CACNG5: variants seen among roughly 807,000 people sequenced by gnomAD.
The protein encoded by CACNG5 is calcium voltage-gated channel auxiliary subunit gamma 5, also known as voltage-dependent calcium channel gamma-5 subunit.
A neutral mutation model predicts 24.8 loss-of-function variants in CACNG5; 18 were observed. The observed-to-expected ratio is 0.73, with a 90% CI of 0.50 to 1.08. The LOEUF (loss-of-function observed/expected upper bound fraction) is 1.08, where lower values mean the gene tolerates loss of function less well. Among genes scored for constraint, CACNG5 ranks in the 50% least tolerant of loss-of-function variants. The pLI is 0.00. For synonymous variants in CACNG5, 157 were observed against 149.1 expected (o/e 1.05, Z -0.39); for missense variants, 349 against 367.9 (o/e 0.95, Z 0.42).
chr17:66,864,154 G>A (rs1055644967), intron 1 of CACNG5, among the ~76,000 whole-genome samples: 1 of 152,196 alleles, frequency 6.6e-6, no homozygotes, highest in Non-Finnish European at 1.5e-5. Flanking sequence ...CTGTTAGATA[G>A]GAGAAGGTTG....
At chr17:66,846,767 C>A (rs533969654) in intron 1 of CACNG5, among the ~76,000 whole-genome samples, 29 of 152,310 alleles carry the variant, frequency 1.9e-4, no homozygotes, top group Admixed American at 1.5e-3. Flanking sequence ...GCTTTCAATT[C>A]TCTTGGGTAT....
chr17:66,883,416 A>G (rs1977193378), intron 4 of CACNG5, among the ~76,000 whole-genome samples: 1 of 152,206 alleles, frequency 6.6e-6, no homozygotes, highest in Non-Finnish European at 1.5e-5. Context: ...TTTCGGTCAC[A>G]CCAGTTTTCC....
intron 1 of CACNG5, among the ~76,000 whole-genome samples, chr17:66,843,130 G>T (rs528479426): frequency 1.3e-5 from 2 of 152,286 alleles, no homozygotes; most frequent in East Asian, 1.9e-4. Flanking sequence ...TTGGTTGAGG[G>T]TATTATGATT....
intron 3 of CACNG5, among the ~76,000 whole-genome samples, chr17:66,880,186 C>T (rs1263279822): frequency 6.6e-6 from 1 of 151,932 alleles, no homozygotes; most frequent in African/African-American, 2.4e-5. Context: ...GGTGAATCTG[C>T]CTGGAAGAGG....
chr17:66,884,800 T>A, intron 5 of CACNG5, 139 bp downstream of exon 5: 1 of 1,613,258 alleles, frequency 6.2e-7, no homozygotes, highest in Non-Finnish European at 8.5e-7. Context: ...CCCTTCCTCA[T>A]CCCAGAATGT....
intron 1 of CACNG5, among the ~76,000 whole-genome samples, chr17:66,851,960 G>C (rs186598664): frequency 6.6e-6 from 1 of 152,342 alleles, no homozygotes; most frequent in African/African-American, 2.4e-5. Context: ...TTGTTTCCAG[G>C]TGTGCCATGA....
At chr17:66,854,284 CG>C (rs1186728287) in intron 1 of CACNG5, among the ~76,000 whole-genome samples, 4 of 151,732 alleles carry the variant, frequency 2.6e-5, no homozygotes, top group Non-Finnish European at 5.9e-5. Context: ...AAAAATTAGC[CG>C]GGCATGGTGG....
At position 66,884,615 on chromosome 17, in the gene CACNG5, A is replaced by G. The variant is rs1187626150; in HGVS notation, c.524A>G (p.Tyr175Cys). ...KDAETYFNYK[Y>C]GWSFAFAAIS... Reference sequence around the variant, plus strand: ...GCAGAGACCTACTTCAACTACAAGTATGGGTGGTCGTTTGCCTTCGCCGCC... The same window carrying G: ...GCAGAGACCTACTTCAACTACAAGTGTGGGTGGTCGTTTGCCTTCGCCGCC... The change falls in exon 5 of 6, where the codon TAT (tyrosine) becomes TGT (cysteine). Residue 175 changes from tyrosine (Y) to cysteine (C), a missense_variant. By Grantham distance (194) the Tyr-to-Cys change is radical. Transcript: ENST00000533854. 6.8e-6 allele frequency: 11 copies of G among 1,614,052 alleles called. No homozygotes were observed. Among genetic ancestry groups the G allele is most frequent in the East Asian group, 2.2e-5 (1 of 44,888 alleles).
intron 1 of CACNG5, among the ~76,000 whole-genome samples, chr17:66,844,002 G>C (rs1005447116): frequency 3.9e-5 from 6 of 152,058 alleles, no homozygotes; most frequent in African/African-American, 1.4e-4. Flanking sequence ...ATACTCTCTG[G>C]GGTCTGGAGT....
At chr17:66,862,892 C>CTCTCTCTGTGTGTGTG (rs567913804) in intron 1 of CACNG5, among the ~76,000 whole-genome samples, 7 of 142,260 alleles carry the variant, frequency 4.9e-5, no homozygotes, top group East Asian at 4.0e-4. Context: ...AGCATATTCT[C>CTCTCTCTGTGTGTGTG]TGTGTGTGTG....
chr17:66,849,025 C>T (rs975454456), intron 1 of CACNG5, among the ~76,000 whole-genome samples: 3 of 152,118 alleles, frequency 2.0e-5, no homozygotes, highest in Admixed American at 6.6e-5. Flanking sequence ...TGCTTGTTGT[C>T]AGCCCTAGAG....
chr17:66,869,594 C>T (rs560906014), intron 1 of CACNG5, among the ~76,000 whole-genome samples: 11 of 152,234 alleles, frequency 7.2e-5, no homozygotes, highest in South Asian at 2.1e-4. Context: ...TGCCTACTTC[C>T]GTGTGCCATT....
In CACNG5 at chr17:66,885,205, C is replaced by G. The variant is rs768756588; in HGVS notation, c.793C>G (p.Pro265Ala). ...CAACTACCCCGCCTTGCTCAAGTGC[C>G]CCGACTATGATCAGATGTCCTCTTC... is the stretch of plus-strand genomic sequence containing the variant. ...NSNYPALLKC[P>A]DYDQMSSSPC The change falls in exon 6 of 6, where the codon CCC becomes GCC. Residue 265 changes from proline (P) to alanine (A), a missense_variant. Transcript: ENST00000533854. 1.4e-5 allele frequency: 22 copies of G among 1,603,058 alleles called. No individual in the cohort carries two copies. The highest frequency in any genetic ancestry group is 1.7e-5 in the Non-Finnish European group (20 of 1,178,430).
At chr17:66,865,887 C>A (rs553957444) in intron 1 of CACNG5, among the ~76,000 whole-genome samples, 2 of 151,518 alleles carry the variant, frequency 1.3e-5, no homozygotes, top group African/African-American at 4.8e-5. Context: ...GTGATCCACC[C>A]ACCTCAGCCT....
intron 1 of CACNG5, among the ~76,000 whole-genome samples, chr17:66,850,701 C>T (rs1976701716): frequency 6.6e-6 from 1 of 152,120 alleles, no homozygotes; most frequent in Non-Finnish European, 1.5e-5. Context: ...GGTTTTCCTC[C>T]TCTCCTCCAT....
chr17:66,854,003 C>T (rs1156804743), intron 1 of CACNG5, among the ~76,000 whole-genome samples: 2 of 152,110 alleles, frequency 1.3e-5, no homozygotes, highest in Non-Finnish European at 2.9e-5. Context: ...GCTATATGCT[C>T]ATCCTCATAG....
rs574134342 is a variant in CACNG5 at position 66,887,830 on chromosome 17, G to A, written c.*2590G>A. Among the ~76,000 whole-genome samples, 14 of 152,228 alleles carry A rather than the reference G, an allele frequency of 9.2e-5. 1 individual carries two copies. The East Asian group carries it at 2.5e-3, about 27-fold the overall frequency. On this transcript the variant is annotated 3_prime_UTR_variant, in exon 6 of 6. Transcript: ENST00000533854. ...CACGCATCTTAGGAACAGGTTCTCG[G>A]TCATTACCTGTTTGGGGGTGGGTGC...
At chr17:66,872,290 C>T (rs1485586164) in intron 1 of CACNG5, among the ~76,000 whole-genome samples, 2 of 152,146 alleles carry the variant, frequency 1.3e-5, no homozygotes, top group African/African-American at 2.4e-5. Context: ...TAAAAAATGG[C>T]TCCTCTCCTA....
At chr17:66,874,490 G>T (rs1746462043) in intron 1 of CACNG5, among the ~76,000 whole-genome samples, 1 of 152,186 alleles carries the variant, frequency 6.6e-6, no homozygotes, top group Non-Finnish European at 1.5e-5. Context: ...GCAGAGAAGG[G>T]CAAGAAGGAA....
Sources: allele counts gnomAD v4.1 joint callset (sites outside exome capture counted in the v4.1 genomes callset), GRCh38; gene constraint gnomAD v4.1.1; transcripts MANE v1.5; gene names NCBI Gene and HGNC (gene_info 2026-07-23, HGNC 2026-07-21).